Variants in NAA16 observed in about 807,000 individuals in gnomAD.
NAA16 encodes N-alpha-acetyltransferase 16, NatA auxiliary subunit.
NAA16 carries 97 observed loss-of-function variants against 110.3 expected under a neutral mutation model. The ratio of observed to expected loss-of-function variants is 0.88; its 90% CI spans 0.75 to 1.04. The LOEUF is 1.04. Ranked by LOEUF, NAA16 falls within the 50% of genes least tolerant of loss-of-function variation. The probability of loss-of-function intolerance (pLI) is 0.00; values close to 1 mark genes in which losing one functional copy is unlikely to be tolerated. For synonymous variants in NAA16, 372 were observed against 330.6 expected (o/e 1.13, Z -1.36); for missense variants, 1,017 against 1,005.1 (o/e 1.01, Z -0.16).
intron 13 of NAA16, among the ~76,000 whole-genome samples, chr13:41,364,280 A>C (rs1001945121): frequency 2.6e-5 from 4 of 152,148 alleles, no homozygotes; most frequent in African/African-American, 9.6e-5. Flanking sequence ...GTCATTCAAG[A>C]GTTCTTTTGT....
At chr13:41,321,195 T>C (rs2041936866) in intron 4 of NAA16, among the ~76,000 whole-genome samples, 1 of 152,050 alleles carries the variant, frequency 6.6e-6, no homozygotes, top group East Asian at 1.9e-4. Context: ...CTATCCAGGA[T>C]GTTGAGGCAG....
At chr13:41,321,308 CA>C (rs749803735) in intron 4 of NAA16, among the ~76,000 whole-genome samples, 3 of 151,576 alleles carry the variant, frequency 2.0e-5, no homozygotes, top group Admixed American at 2.0e-4. Context: ...AAAAACAAAA[CA>C]AAAAAAACTG....
At chr13:41,313,951 G>C (rs1417271376) in intron 1 of NAA16, among the ~76,000 whole-genome samples, 3 of 151,146 alleles carry the variant, frequency 2.0e-5, no homozygotes. Flanking sequence ...CTGCCTCCCA[G>C]ATTCAAGCGA....
At chr13:41,334,913 C>A (rs1256961943) in intron 8 of NAA16, among the ~76,000 whole-genome samples, 1 of 152,166 alleles carries the variant, frequency 6.6e-6, no homozygotes, top group Non-Finnish European at 1.5e-5. Context: ...GTCACCCCCC[C>A]CACTGTGCTT....
At chr13:41,372,093 A>G in intron 15 of NAA16, 110 bp from the exon 16 acceptor site, 1 of 924,864 alleles carries the variant, frequency 1.1e-6, no homozygotes, top group Non-Finnish European at 1.5e-6. Context: ...ATTTGGTTTT[A>G]TAAAGAAAGC....
chr13:41,371,155 A>G (rs1237537082), intron 15 of NAA16, among the ~76,000 whole-genome samples: 1 of 152,226 alleles, frequency 6.6e-6, no homozygotes, highest in Non-Finnish European at 1.5e-5. Context: ...AATAGAAGGC[A>G]ACTTGATGGA....
At chr13:41,323,621 G>A (rs1302185739) in intron 5 of NAA16, among the ~76,000 whole-genome samples, 1 of 151,720 alleles carries the variant, frequency 6.6e-6, no homozygotes, top group Non-Finnish European at 1.5e-5. Flanking sequence ...CAAAGTGCTG[G>A]GATTACAGGC....
At position 41,358,451 on chromosome 13, in the gene NAA16, A is replaced by G. The variant is rs761112355; in HGVS notation, c.1235A>G (p.Tyr412Cys). ...ASTPTLIELF[Y>C]MKAKIYKHIG... ...ACTCCAACTCTAATAGAATTATTCT[A>G]TATGAAAGCAAAAATTTACAAGGTA... The change falls in exon 11 of 20, where the codon TAT becomes TGT. Residue 412 changes from tyrosine (Y) to cysteine (C), a missense_variant. Transcript: ENST00000379406. 2 of 1,613,260 alleles carry G rather than the reference A, an allele frequency of 1.2e-6. No homozygotes were observed.
chr13:41,367,689 A>T (rs61963967), intron 14 of NAA16, 37 bp downstream of exon 14: 1 of 1,396,886 alleles, frequency 7.2e-7, no homozygotes, highest in Admixed American at 2.0e-5. Context: ...TTAAAAGGAC[A>T]CTAAATTTCA....
At chr13:41,326,625 A>G (rs886254802) in intron 6 of NAA16, among the ~76,000 whole-genome samples, 3 of 152,172 alleles carry the variant, frequency 2.0e-5, no homozygotes, top group African/African-American at 7.2e-5. Context: ...GAGGTTAAGG[A>G]CTTGCCCAAA....
chr13:41,317,805 C>G (rs1463301859), intron 2 of NAA16, among the ~76,000 whole-genome samples: 1 of 152,188 alleles, frequency 6.6e-6, no homozygotes, highest in African/African-American at 2.4e-5. Context: ...TCACCATGTT[C>G]TGAATACCAT....
At chr13:41,373,543 C>G in intron 17 of NAA16, 94 bp from the exon 18 acceptor site, 1 of 1,386,876 alleles carries the variant, frequency 7.2e-7, no homozygotes, top group South Asian at 1.5e-5. Context: ...CAGGCGTGAG[C>G]CACCGCGCCC....
chr13:41,349,835 G>T (rs8001961), intron 9 of NAA16, among the ~76,000 whole-genome samples: 144,079 of 152,108 alleles, frequency 0.95, 68,308 homozygotes, highest in South Asian at 0.99. Flanking sequence ...TGGGCGTGGT[G>T]GAATAATCCC....
chr13:41,343,146 G>T (rs1164517621), intron 9 of NAA16, among the ~76,000 whole-genome samples: 1 of 152,068 alleles, frequency 6.6e-6, no homozygotes, highest in Non-Finnish European at 1.5e-5. Flanking sequence ...TGTCTCTCAG[G>T]CTGGAGAGCA....
intron 15 of NAA16, among the ~76,000 whole-genome samples, chr13:41,371,591 G>A (rs4249511): frequency 0.95 from 144,717 of 152,280 alleles, 68,829 homozygotes; most frequent in East Asian, 1. Flanking sequence ...GACTTTCTTA[G>A]TATTTTATTT....
In NAA16 at chr13:41,370,052, G is replaced by A. The variant is rs184419135; in HGVS notation, c.1947+769G>A. ...AGCTACAAAGAGATAGCACCTCCAG[G>A]ATTTTCTCAAGTGTTAATAGTTGTT... On this transcript the variant is annotated intron_variant, in intron 15 of 19. Transcript: ENST00000379406. Among the ~76,000 whole-genome samples, 334 of 152,274 alleles carry A rather than the reference G, an allele frequency of 2.2e-3. 1 individual carries two copies. Among genetic ancestry groups the A allele is most frequent in the African/African-American group, 6.3e-3 (262 of 41,560 alleles).
intron 7 of NAA16, 47 bp from the exon 8 acceptor site, chr13:41,331,227 A>G: frequency 8.7e-7 from 1 of 1,143,582 alleles, no homozygotes; most frequent in Non-Finnish European, 1.3e-6. Flanking sequence ...TTTACCATAG[A>G]TAAAAGTTTT....
intron 10 of NAA16, among the ~76,000 whole-genome samples, chr13:41,357,052 T>C (rs554503102): frequency 6.6e-6 from 1 of 152,290 alleles, no homozygotes; most frequent in South Asian, 2.1e-4. Flanking sequence ...GCACGGTGGC[T>C]CCACACCTGT....
At position 41,323,127 on chromosome 13, in the gene NAA16, C is replaced by T. The variant is rs2041990890; in HGVS notation, c.474C>T (p.Tyr158=). The T allele has an allele frequency of 6.2e-7, 1 of 1,613,228 alleles. No individual in the cohort carries two copies. Among genetic ancestry groups the T allele is most frequent in the African/African-American group, 1.3e-5 (1 of 74,888 alleles). The change falls in exon 5 of 20, where the codon TAC becomes TAT. Residue 158 remains tyrosine, a synonymous_variant. Coordinates refer to ENST00000379406, the MANE Select transcript of NAA16 (RefSeq NM_024561.5). ...CCTGGATTGGATATGCTATTGCATA[C>T]CATTTGCTGAAAGATTATGATATGG... is the stretch of plus-strand genomic sequence containing the variant. ...RASWIGYAIA[Y]HLLKDYDMAL...
Sources: allele counts gnomAD v4.1 joint callset (sites outside exome capture counted in the v4.1 genomes callset), GRCh38; gene constraint gnomAD v4.1.1; transcripts MANE v1.5; gene names NCBI Gene and HGNC (gene_info 2026-07-23, HGNC 2026-07-21).